Variants in ARHGAP15 observed in about 807,000 individuals in gnomAD.
ARHGAP15 encodes rho GTPase-activating protein 15.
Under a neutral mutation model 63.7 loss-of-function variants are expected in ARHGAP15, and 51 were observed. The observed-to-expected ratio is 0.80, with a 90% CI of 0.64 to 1.01. ARHGAP15 has a LOEUF of 1.01. Among genes scored for constraint, ARHGAP15 ranks in the 50% least tolerant of loss-of-function variants. ARHGAP15 has a pLI of 0.00. For missense variants in ARHGAP15, 560 were observed against 564.6 expected, an observed-to-expected ratio of 0.99 and a Z score of 0.08; for synonymous variants, 191 against 193.8, an observed-to-expected ratio of 0.99 and a Z score of 0.12.
At chr2:143,271,060 C>T (rs1444085408) in intron 6 of ARHGAP15, among the ~76,000 whole-genome samples, 1 of 151,864 alleles carries the variant, frequency 6.6e-6, no homozygotes, top group African/African-American at 2.4e-5. Flanking sequence ...TCAAAATTTC[C>T]ATCTGTCTTT....
chr2:143,486,347 G>A (rs555541985), intron 8 of ARHGAP15, among the ~76,000 whole-genome samples: 2 of 149,542 alleles, frequency 1.3e-5, no homozygotes, highest in Non-Finnish European at 1.5e-5. Flanking sequence ...GAGGTGAGCA[G>A]ATCACTTGAG....
chr2:143,582,234 G>A (rs1696935676), intron 11 of ARHGAP15, among the ~76,000 whole-genome samples: 1 of 152,098 alleles, frequency 6.6e-6, no homozygotes, highest in Non-Finnish European at 1.5e-5. Flanking sequence ...TTTATTAGGG[G>A]GGCAGGGAAG....
In ARHGAP15 at chr2:143,534,529, T is replaced by C. The variant is rs1054862557; in HGVS notation, c.925+15165T>C. Among the ~76,000 whole-genome samples the C allele has an allele frequency of 5.6e-5, 7 of 124,600 alleles. No homozygotes were observed. The East Asian group carries it at 1.6e-3, about 29-fold the overall frequency. 81.7% of individuals were successfully genotyped at this position (124,600 alleles called of 152,430 possible). A position where few individuals can be genotyped will look rare whatever the true frequency, so the allele number is the denominator to read the frequency against. On this transcript the variant is annotated intron_variant, in intron 10 of 13. Transcript: ENST00000295095. Reference sequence around the variant, plus strand: ...AGACAGGCCTGGCTCAGAGATCTGATGATTTCATGGGAGAATGCCATGAAA... The same window carrying C: ...AGACAGGCCTGGCTCAGAGATCTGACGATTTCATGGGAGAATGCCATGAAA...
intron 6 of ARHGAP15, among the ~76,000 whole-genome samples, chr2:143,331,411 T>C (rs1684541502): frequency 6.6e-6 from 1 of 152,170 alleles, no homozygotes; most frequent in Non-Finnish European, 1.5e-5. Flanking sequence ...TATTTGTTTA[T>C]TTCTGTCTCC....
intron 5 of ARHGAP15, among the ~76,000 whole-genome samples, chr2:143,234,182 C>A (rs764558523): frequency 1.4e-4 from 22 of 151,932 alleles, no homozygotes; most frequent in Non-Finnish European, 2.4e-4. Flanking sequence ...AAGTTTGTTT[C>A]TTTTAAAAAT....
intron 6 of ARHGAP15, among the ~76,000 whole-genome samples, chr2:143,335,403 T>C (rs755930640): frequency 6.6e-6 from 1 of 152,208 alleles, no homozygotes; most frequent in Admixed American, 6.5e-5. Flanking sequence ...TTTTAGATGC[T>C]GAGTCAGAGC....
intron 13 of ARHGAP15, among the ~76,000 whole-genome samples, chr2:143,737,746 ATTTATTTATTT>A (rs1015083269): frequency 6.6e-6 from 1 of 150,584 alleles, no homozygotes; most frequent in Non-Finnish European, 1.5e-5. Context: ...TTATTTATTT[ATTTATTTATTT>A]ATTTATTTAT....
At chr2:143,756,336 A>C (rs1383583746) in intron 13 of ARHGAP15, among the ~76,000 whole-genome samples, 1 of 152,240 alleles carries the variant, frequency 6.6e-6, no homozygotes, top group African/African-American at 2.4e-5. Flanking sequence ...TGATCCATGC[A>C]CAACACTCAA....
chr2:143,699,947 AG>A (rs1684013176), intron 12 of ARHGAP15, among the ~76,000 whole-genome samples: 1 of 152,332 alleles, frequency 6.6e-6, no homozygotes, highest in East Asian at 1.9e-4. Flanking sequence ...GCTAATAAAA[AG>A]CTGTTACAGA....
chr2:143,495,701 C>A (rs10928178), intron 9 of ARHGAP15, among the ~76,000 whole-genome samples: 150,882 of 152,318 alleles, frequency 0.99, 74,748 homozygotes, highest in Middle Eastern at 1. Flanking sequence ...TGAATAGCAA[C>A]ATCATTGAGT....
intron 13 of ARHGAP15, among the ~76,000 whole-genome samples, chr2:143,752,202 C>A (rs572087306): frequency 6.6e-6 from 1 of 152,222 alleles, no homozygotes; most frequent in East Asian, 1.9e-4. Flanking sequence ...GTCTCAGCAT[C>A]CCCATTACAA....
intron 8 of ARHGAP15, among the ~76,000 whole-genome samples, chr2:143,467,008 A>G (rs1342497436): frequency 1.3e-5 from 2 of 152,138 alleles, no homozygotes; most frequent in Non-Finnish European, 2.9e-5. Context: ...GAAAAAATAA[A>G]GGAAAAACGT....
chr2:143,707,220 T>A (rs1574867262), intron 13 of ARHGAP15, among the ~76,000 whole-genome samples: 1 of 151,968 alleles, frequency 6.6e-6, no homozygotes, highest in Middle Eastern at 3.4e-3. Context: ...TGGATTGGAG[T>A]GATGGACGTC....
intron 9 of ARHGAP15, among the ~76,000 whole-genome samples, chr2:143,495,898 A>G (rs1692793720): frequency 6.6e-6 from 1 of 152,216 alleles, no homozygotes; most frequent in South Asian, 2.1e-4. Context: ...GAATTTATAT[A>G]CTAGGGCATG....
At chr2:143,704,647 C>T (rs759242493) in intron 13 of ARHGAP15, among the ~76,000 whole-genome samples, 33 of 152,128 alleles carry the variant, frequency 2.2e-4, no homozygotes, top group Non-Finnish European at 4.3e-4. Flanking sequence ...TCAGATAAGG[C>T]AGAGTGCAAC....
At chr2:143,262,558 T>TTTTTTTTTTTTTC (rs1316090737) in intron 6 of ARHGAP15, among the ~76,000 whole-genome samples, 1 of 149,658 alleles carries the variant, frequency 6.7e-6, no homozygotes, top group East Asian at 2.0e-4. Context: ...TTTTTTTTTT[T>TTTTTTTTTTTTTC]TACTTTGTCA....
chr2:143,357,531 G>A lies in ARHGAP15; in HGVS notation c.475-78070G>A, dbSNP rs546684683. ...AGGTTAACTTTCCTCTTTAATGCTT[G>A]GTTCTTCTGTGCAGAAAAATGCACA... On this transcript the variant is annotated intron_variant, in intron 6 of 13. Coordinates refer to ENST00000295095, the MANE Select transcript of ARHGAP15 (RefSeq NM_018460.4). Among the ~76,000 whole-genome samples the A allele has an allele frequency of 2.8e-4, 42 of 152,156 alleles. 1 individual carries two copies. The South Asian group carries it at 4.4e-3, about 16-fold the overall frequency.
intron 12 of ARHGAP15, among the ~76,000 whole-genome samples, chr2:143,633,120 T>A (rs1437220476): frequency 6.6e-6 from 1 of 152,178 alleles, no homozygotes; most frequent in East Asian, 1.9e-4. Flanking sequence ...AAAGCCTGTT[T>A]TTTTAGTTTC....
chr2:143,669,702 G>A (rs1026493822), intron 12 of ARHGAP15, among the ~76,000 whole-genome samples: 3 of 152,116 alleles, frequency 2.0e-5, no homozygotes, highest in Non-Finnish European at 2.9e-5. Flanking sequence ...TTCAACATAC[G>A]AATTTTGAGG....
Sources: allele counts gnomAD v4.1 joint callset (sites outside exome capture counted in the v4.1 genomes callset), GRCh38; gene constraint gnomAD v4.1.1; transcripts MANE v1.5; gene names NCBI Gene and HGNC (gene_info 2026-07-23, HGNC 2026-07-21).